KCTD9: variants seen among roughly 807,000 people sequenced by gnomAD.
KCTD9 encodes the protein potassium channel tetramerization domain containing 9.
Under a neutral mutation model 53.3 loss-of-function variants are expected in KCTD9, and 17 were observed. The observed-to-expected ratio is 0.32, with a 90% CI of 0.22 to 0.48. KCTD9 has a LOEUF of 0.48. KCTD9 is among the 20% of genes least tolerant of loss of function. KCTD9 has a pLI of 0.99. For synonymous variants in KCTD9, 128 were observed against 162.7 expected, an observed-to-expected ratio of 0.79 and a Z score of 1.62; for missense variants, 179 against 465.5, an observed-to-expected ratio of 0.38 and a Z score of 5.66.
At chr8:25,446,367 A>G (rs1298514678) in intron 1 of KCTD9, 117 bp from the exon 2 acceptor site, 4 of 1,225,740 alleles carry the variant, frequency 3.3e-6, no homozygotes, top group Admixed American at 4.5e-5. Context: ...GGAGACTTCA[A>G]AAGGTTCTTA....
intron 11 of KCTD9, 55 bp from the exon 12 acceptor site, chr8:25,430,028 T>A: frequency 1.0e-6 from 1 of 966,846 alleles, no homozygotes; most frequent in Non-Finnish European, 1.7e-6. Flanking sequence ...AGGCCTTATC[T>A]ATTTCTGCTC....
intron 1 of KCTD9, among the ~76,000 whole-genome samples, chr8:25,446,996 T>A (rs970537258): frequency 6.6e-6 from 1 of 152,212 alleles, no homozygotes; most frequent in Non-Finnish European, 1.5e-5. Flanking sequence ...TTTCTACATG[T>A]AAGTGAATTT....
chr8:25,453,451 T>C (rs1802371412), intron 1 of KCTD9, among the ~76,000 whole-genome samples: 1 of 151,492 alleles, frequency 6.6e-6, no homozygotes. Context: ...GTCAGGAGTT[T>C]GAGACCAGCC....
intron 1 of KCTD9, among the ~76,000 whole-genome samples, chr8:25,455,850 A>C (rs2117451755): frequency 6.6e-6 from 1 of 152,298 alleles, no homozygotes. Flanking sequence ...GTGTCTTTCT[A>C]GATCGGAAAA....
At chr8:25,453,213 T>A (rs1182890199) in intron 1 of KCTD9, among the ~76,000 whole-genome samples, 4 of 151,000 alleles carry the variant, frequency 2.6e-5, no homozygotes, top group Admixed American at 2.0e-4. Flanking sequence ...AAAAATTAGC[T>A]GGGAGTGGTG....
In KCTD9 at chr8:25,439,400, C is replaced by G. The variant is rs1265236017; in HGVS notation, c.378G>C (p.Trp126Cys). 2 of 1,610,164 alleles carry G rather than the reference C, an allele frequency of 1.2e-6. No individual in the cohort carries two copies. The highest frequency in any genetic ancestry group is 1.7e-5 in the Admixed American group (1 of 59,272). The change falls in exon 6 of 12, where the codon TGG (tryptophan) becomes TGC (cysteine). Residue 126 changes from tryptophan to cysteine, a missense_variant. Coordinates refer to ENST00000221200, the MANE Select transcript of KCTD9 (RefSeq NM_017634.4). ...CTCCTCTATGATCTTGCTTATTTCC[C>G]CAGACACCTGTGTCACCATTATAAT... ...LAHMFKDKGV[W>C]GNKQDHRGAF...
At chr8:25,439,544 A>G in intron 5 of KCTD9, 62 bp downstream of exon 5, 2 of 1,595,374 alleles carry the variant, frequency 1.3e-6, no homozygotes, top group Non-Finnish European at 8.6e-7. Context: ...GTCAGGAGTT[A>G]TAAAGTCAGC....
Position 25,429,956 on chromosome 8 carries a change from C to A in KCTD9, c.1071G>T (p.Gly357=). 6.3e-7 allele frequency: 1 copy of A among 1,588,936 alleles called. No homozygotes were observed. The highest frequency in any genetic ancestry group is 8.6e-7 in the Non-Finnish European group (1 of 1,157,222). The change falls in exon 12 of 12, where the codon GGG becomes GGT. Residue 357 remains glycine (G), a synonymous_variant. Transcript: ENST00000221200. The part of the protein sequence containing the change: ...GTDLENCDLS[G]CDLQEANLRG... ...TCAGGTTGGCTTCTTGAAGATCACA[C>A]CCAGACAGATCACAATTCTGCAAGA... is the stretch of plus-strand genomic sequence containing the variant.
rs771514229 is a variant in KCTD9, at chr8:25,439,291, T to C, written c.487A>G (p.Ile163Val). 1 of 1,595,456 alleles carries C rather than the reference T, an allele frequency of 6.3e-7. No homozygotes were observed. The highest frequency in any genetic ancestry group is 1.8e-5 in the Admixed American group (1 of 56,806). ...RHGQLIVNDG[I>V]NLLGVLEEAR... ...TAAATAAACTCACCCAATAAATTAA[T>C]GCCATCATTTACAATGAGCTGTCCA... Residue 163 changes from isoleucine (I) to valine (V), a missense_variant, in exon 6 of 12, where the codon ATT becomes GTT. Around this residue, in one of 4 missense-constraint regions of KCTD9, gnomAD observed 115 missense variants for 250.9 expected, o/e 0.46. Transcript: ENST00000221200.
intron 1 of KCTD9, among the ~76,000 whole-genome samples, chr8:25,456,942 G>C (rs971201105): frequency 2.7e-4 from 41 of 152,166 alleles, no homozygotes; most frequent in African/African-American, 9.7e-4. Context: ...ATACGTTTTA[G>C]ATAACAGGTA....
At chr8:25,453,852 T>C (rs1802379809) in intron 1 of KCTD9, among the ~76,000 whole-genome samples, 1 of 152,126 alleles carries the variant, frequency 6.6e-6, no homozygotes, top group African/African-American at 2.4e-5. Flanking sequence ...TTATGTATAT[T>C]CTTTATTGTA....
chr8:25,453,718 C>T lies in KCTD9; in HGVS notation c.48+4481G>A, dbSNP rs147819495. Among the ~76,000 whole-genome samples the T allele has an allele frequency of 1.8e-4, 27 of 151,350 alleles. No homozygotes were observed. The East Asian group carries it at 4.3e-3, about 24-fold the overall frequency. ...TGTGACAAAACTATTTAAAAACACA[C>T]GGCAAAGAGAAAAACAAAACAGGAG... is the stretch of plus-strand genomic sequence containing the variant. On this transcript the variant is annotated intron_variant, in intron 1 of 11. Coordinates refer to ENST00000221200, the MANE Select transcript of KCTD9 (RefSeq NM_017634.4).
At chr8:25,446,364 T>G in intron 1 of KCTD9, 114 bp from the exon 2 acceptor site, 3 of 1,252,718 alleles carry the variant, frequency 2.4e-6, no homozygotes, top group Non-Finnish European at 3.3e-6. Context: ...AAAGGAGACT[T>G]CAAAAGGTTC....
At position 25,442,831 on chromosome 8, in the gene KCTD9, GA is replaced by G. The variant is rs1411457384; in HGVS notation, c.214+1460del. ...TGTTTTTAGTAATTATATTGGTACT[GA>G]AAGTATTGAGTTTGTTACTCTGACA... On this transcript the variant is annotated intron_variant, in intron 3 of 11. Coordinates refer to ENST00000221200, the MANE Select transcript of KCTD9 (RefSeq NM_017634.4). Among the ~76,000 whole-genome samples, 6 of 152,160 alleles carry G rather than the reference GA, an allele frequency of 3.9e-5. No homozygotes were observed. In the South Asian group the frequency reaches 1.2e-3, roughly 31 times the overall value.
intron 1 of KCTD9, among the ~76,000 whole-genome samples, chr8:25,456,943 A>G (rs772147084): frequency 6.6e-5 from 10 of 152,344 alleles, no homozygotes; most frequent in Admixed American, 1.3e-4. Flanking sequence ...TACGTTTTAG[A>G]TAACAGGTAG....
intron 1 of KCTD9, among the ~76,000 whole-genome samples, chr8:25,446,490 G>C (rs1236229703): frequency 6.6e-6 from 1 of 152,128 alleles, no homozygotes; most frequent in Non-Finnish European, 1.5e-5. Flanking sequence ...ACAATCCTAA[G>C]GTGTGTTAAA....
chr8:25,429,677 A>G lies in KCTD9; in HGVS notation c.*180T>C, dbSNP rs1178095151. 1 of 526,104 alleles carries G rather than the reference A, an allele frequency of 1.9e-6. No homozygotes were observed. The allele number at this position is 526,104 out of a possible 1,614,324, so 32.6% of individuals were successfully genotyped here. A position where few individuals can be genotyped will look rare whatever the true frequency, so the allele number is the denominator to read the frequency against. ...GTGCTTTTCTGTTAAAAATCAGAAT[A>G]TGGAAAAAAAGTCAGTTTTTTCCCT... On this transcript the variant is annotated 3_prime_UTR_variant, in exon 12 of 12. Coordinates refer to ENST00000221200, the MANE Select transcript of KCTD9 (RefSeq NM_017634.4).
intron 2 of KCTD9, among the ~76,000 whole-genome samples, chr8:25,445,451 C>A (rs377029836): frequency 6.6e-6 from 1 of 152,104 alleles, no homozygotes; most frequent in Non-Finnish European, 1.5e-5. Context: ...ATAAAAAAAA[C>A]TCATGTTTTG....
intron 6 of KCTD9, among the ~76,000 whole-genome samples, chr8:25,438,479 T>A (rs537808167): frequency 6.6e-6 from 1 of 152,308 alleles, no homozygotes; most frequent in Admixed American, 6.5e-5. Flanking sequence ...ACATGTCACA[T>A]AAAATTTTAG....
Sources: allele counts gnomAD v4.1 joint callset (sites outside exome capture counted in the v4.1 genomes callset), GRCh38; gene constraint gnomAD v4.1.1; regional missense constraint gnomAD v4.1.1; transcripts MANE v1.5; gene names NCBI Gene and HGNC (gene_info 2026-07-23, HGNC 2026-07-21).